Variants in RSF1 observed in about 807,000 individuals in gnomAD.
RSF1 encodes the protein remodeling and spacing factor 1, also known as HBV pX-associated protein 8.
In RSF1, 13 loss-of-function variants were observed where a neutral mutation model predicts 145.2. That is an observed-to-expected ratio of 0.09 (90% CI 0.06 to 0.14). The LOEUF is 0.14. RSF1 is among the 10% of genes least tolerant of loss of function. RSF1 has a pLI of 1.00. For missense variants in RSF1, 1,517 were observed against 1,718.2 expected, an observed-to-expected ratio of 0.88 and a Z score of 2.07; for synonymous variants, 577 against 592.6, an observed-to-expected ratio of 0.97 and a Z score of 0.38.
chr11:77,711,209 T>C (rs542701812), intron 5 of RSF1, among the ~76,000 whole-genome samples: 1 of 152,200 alleles, frequency 6.6e-6, no homozygotes, highest in South Asian at 2.1e-4. Context: ...CTTAACCTTT[T>C]CTAGCTTACC....
chr11:77,720,315 A>C (rs1960914801), intron 5 of RSF1, among the ~76,000 whole-genome samples: 3 of 152,212 alleles, frequency 2.0e-5, no homozygotes, highest in Admixed American at 1.3e-4. Flanking sequence ...TAGAATTAAA[A>C]ACTAAATGTT....
rs73508738 is a variant in RSF1 at position 77,707,915 on chromosome 11, C to T, written c.734-5420G>A. 3.6e-3 allele frequency among the ~76,000 whole-genome samples: 552 copies of T among 152,290 alleles called. 3 individuals are homozygous for T. The highest frequency in any genetic ancestry group is 6.8e-3 in the Middle Eastern group (2 of 294). On this transcript the variant is annotated intron_variant, in intron 5 of 15. Transcript: ENST00000308488. Reference sequence around the variant, plus strand: ...AAATAAGCCAATAAATCTGTAACCACGCCTAGAATAATGACTAGAAAGAAA... The same window carrying T: ...AAATAAGCCAATAAATCTGTAACCATGCCTAGAATAATGACTAGAAAGAAA...
At chr11:77,745,368 T>C (rs1009593339) in intron 3 of RSF1, among the ~76,000 whole-genome samples, 2 of 152,196 alleles carry the variant, frequency 1.3e-5, no homozygotes, top group African/African-American at 4.8e-5. Context: ...AGGTTGTTAT[T>C]TGAGATCTTT....
At chr11:77,841,465 C>T in the RSF1 span, among the ~76,000 whole-genome samples, 1 of 152,178 alleles carries the variant, frequency 6.6e-6, no homozygotes, top group Non-Finnish European at 1.5e-5. Flanking sequence ...AAACATTTGG[C>T]TCAAACACCT....
intron 11 of RSF1, among the ~76,000 whole-genome samples, chr11:77,679,453 A>G (rs937639939): frequency 6.6e-6 from 1 of 152,210 alleles, no homozygotes; most frequent in Non-Finnish European, 1.5e-5. Flanking sequence ...CAGGCAGATC[A>G]CTTGAGCCCA....
chr11:77,735,053 G>A (rs570119764), intron 4 of RSF1: 51 of 1,313,696 alleles, frequency 3.9e-5, no homozygotes, highest in African/African-American at 2.4e-4. Flanking sequence ...AGGTGGCGGC[G>A]GTGGCAGTGG....
At chr11:77,782,606 T>C (rs571967566) in intron 1 of RSF1, among the ~76,000 whole-genome samples, 1 of 151,518 alleles carries the variant, frequency 6.6e-6, no homozygotes, top group African/African-American at 2.4e-5. Flanking sequence ...GCATATTACC[T>C]GCTTTAGTGG....
intron 2 of RSF1, among the ~76,000 whole-genome samples, chr11:77,756,508 C>A (rs1337306518): frequency 3.3e-5 from 5 of 152,008 alleles, no homozygotes; most frequent in Non-Finnish European, 7.3e-5. Context: ...ATTCCACAAA[C>A]ATTTACTATG....
chr11:77,692,840 G>A (rs1960190563), intron 8 of RSF1, among the ~76,000 whole-genome samples: 1 of 151,762 alleles, frequency 6.6e-6, no homozygotes, highest in Non-Finnish European at 1.5e-5. Context: ...ACCACGCCCA[G>A]ATAATTTTTG....
rs1284670556 is a variant in RSF1, at chr11:77,660,610, A to G, written c.*6307T>C. On this transcript the variant is annotated 3_prime_UTR_variant, in exon 16 of 16. Transcript: ENST00000308488. ...GGAATATTTTTTTTAACGCATAGGA[A>G]AATAAAGCATTTCATATAAGCATGT... The G allele has an allele frequency of 6.6e-6, 1 of 152,162 alleles. No homozygotes were observed. Among genetic ancestry groups the G allele is most frequent in the Non-Finnish European group, 1.5e-5 (1 of 68,014 alleles). 9.4% of individuals were successfully genotyped at this position (152,162 alleles called of 1,614,324 possible).
rs1415865706 is a variant in RSF1, at chr11:77,701,256, C to A, written c.1973G>T (p.Gly658Val). 6 of 1,614,102 alleles carry A rather than the reference C, an allele frequency of 3.7e-6. No individual in the cohort carries two copies. In the Admixed American group the frequency reaches 5.0e-5, roughly 13 times the overall value. Residue 658 changes from glycine to valine, a missense_variant, in exon 6 of 16, where the codon GGC (glycine) becomes GTC (valine). Around this residue, in one of 12 missense-constraint regions of RSF1, gnomAD observed 579 missense variants for 553.5 expected, o/e 1.05. Transcript: ENST00000308488. ...VECQSTSTVG[G>V]QSVKKVDLET... ...TAGGTCTACTTTTTTCACAGACTGG[C>A]CACCAACAGTACTTGTACTCTGGCA...
chr11:77,826,690 T>C, the RSF1 span, among the ~76,000 whole-genome samples: 4 of 152,184 alleles, frequency 2.6e-5, no homozygotes, highest in African/African-American at 9.7e-5. Context: ...CCAGACCCTA[T>C]AACTGTATGC....
At chr11:77,717,503 C>T (rs756123770) in intron 5 of RSF1, among the ~76,000 whole-genome samples, 1 of 152,200 alleles carries the variant, frequency 6.6e-6, no homozygotes, top group Non-Finnish European at 1.5e-5. Context: ...TGTCCTAGAT[C>T]GATCTCCGTA....
rs1959316240 is a variant in RSF1 at position 77,664,580 on chromosome 11, G to A, written c.*2337C>T. ...ATAGAATAGGTGGAAGAAGGAGCTGGTGTGTCCAGAGGTAGAGACAGGGCA... is the reference window on the plus strand; with the variant it reads ...ATAGAATAGGTGGAAGAAGGAGCTGATGTGTCCAGAGGTAGAGACAGGGCA... On this transcript the variant is annotated 3_prime_UTR_variant, in exon 16 of 16. Coordinates refer to ENST00000308488, the MANE Select transcript of RSF1 (RefSeq NM_016578.4). 1 of 152,200 alleles carries A rather than the reference G, an allele frequency of 6.6e-6. No individual in the cohort carries two copies. Among genetic ancestry groups the A allele is most frequent in the South Asian group, 2.1e-4 (1 of 4,826 alleles). The allele number at this position is 152,200 out of a possible 1,614,324, so 9.4% of individuals were successfully genotyped here.
chr11:77,734,252 T>C (rs1182642246), intron 4 of RSF1, among the ~76,000 whole-genome samples: 5 of 152,036 alleles, frequency 3.3e-5, no homozygotes, highest in Admixed American at 3.3e-4. Context: ...TATAAGTTAA[T>C]TGCTTCCTAT....
chr11:77,828,624 T>A, the RSF1 span, among the ~76,000 whole-genome samples: 1 of 144,782 alleles, frequency 6.9e-6, no homozygotes, highest in Non-Finnish European at 1.5e-5. Context: ...TGAGCCAAGA[T>A]CGCACCACTG....
intron 5 of RSF1, among the ~76,000 whole-genome samples, chr11:77,706,662 T>TA (rs974242790): frequency 2.4e-4 from 35 of 148,086 alleles, no homozygotes; most frequent in African/African-American, 8.1e-4. Flanking sequence ...ACTTTCCTAA[T>TA]TTTTTTTTTT....
intron 7 of RSF1, among the ~76,000 whole-genome samples, chr11:77,694,540 A>C (rs747924673): frequency 2.6e-5 from 4 of 152,330 alleles, no homozygotes; most frequent in Non-Finnish European, 5.9e-5. Context: ...TTAAAAGAAA[A>C]CTTTTTACTT....
chr11:77,835,765 C>G, the RSF1 span, among the ~76,000 whole-genome samples: 1 of 151,546 alleles, frequency 6.6e-6, no homozygotes, highest in African/African-American at 2.4e-5. Flanking sequence ...CCAAAATATA[C>G]AAAAAATTAA....
Sources: allele counts gnomAD v4.1 joint callset (sites outside exome capture counted in the v4.1 genomes callset), GRCh38; gene constraint gnomAD v4.1.1; regional missense constraint gnomAD v4.1.1; transcripts MANE v1.5; gene names NCBI Gene and HGNC (gene_info 2026-07-23, HGNC 2026-07-21).